The following GNB1L variants were observed in gnomAD, a reference collection of about 807,000 sequenced individuals.
The protein encoded by GNB1L is G protein subunit beta 1 like, also known as guanine nucleotide-binding protein subunit beta-like protein 1.
Under a neutral mutation model 29.1 loss-of-function variants are expected in GNB1L, and 20 were observed. That is an observed-to-expected ratio of 0.69 (90% confidence interval 0.48 to 1.00). The LOEUF is 1.00. GNB1L is among the 50% of genes least tolerant of loss of function. GNB1L has a pLI of 0.00. For synonymous variants in GNB1L, 193 were observed against 206.5 expected (o/e 0.93, Z 0.56); for missense variants, 421 against 464.9 (o/e 0.91, Z 0.87).
intron 2 of GNB1L, among the ~76,000 whole-genome samples, chr22:19,839,748 C>T (rs1937825545): frequency 6.6e-6 from 1 of 152,060 alleles, no homozygotes; most frequent in South Asian, 2.1e-4. Flanking sequence ...GGCGTGGTGG[C>T]AGGTGCCTGT....
intron 2 of GNB1L, among the ~76,000 whole-genome samples, chr22:19,833,369 T>C (rs987890976): frequency 6.6e-6 from 1 of 152,194 alleles, no homozygotes; most frequent in Non-Finnish European, 1.5e-5. Context: ...CAGAACTGAA[T>C]AATATCTGAA....
chr22:19,836,795 T>C (rs1219182762), intron 2 of GNB1L, among the ~76,000 whole-genome samples: 1 of 152,090 alleles, frequency 6.6e-6, no homozygotes. Flanking sequence ...TAAACTCTCA[T>C]GTTAACACTA....
intron 2 of GNB1L, among the ~76,000 whole-genome samples, chr22:19,822,122 C>A (rs990994959): frequency 6.6e-6 from 1 of 152,186 alleles, no homozygotes; most frequent in Admixed American, 6.5e-5. Context: ...AATTTCTAAC[C>A]GCTATCACCA....
chr22:19,805,737 G>A (rs926316226), intron 6 of GNB1L, among the ~76,000 whole-genome samples: 7 of 151,928 alleles, frequency 4.6e-5, no homozygotes, highest in African/African-American at 7.2e-5. Flanking sequence ...AGCAGAGATC[G>A]CGCCACTGCA....
Position 19,816,312 on chromosome 22 carries a change from A to G in GNB1L, c.255-3865T>C, listed in dbSNP as rs193002814. ...CCCTGATCGCCTGGTCAGGACCCAT[A>G]GTTTTCAAAGGCTCATCATCCCTAA... On this transcript the variant is annotated intron_variant, in intron 4 of 7. Transcript: ENST00000329517. The surrounding 1 kb of genome is among the most constrained non-coding windows in gnomAD (Gnocchi z 4.4). 3.9e-4 allele frequency among the ~76,000 whole-genome samples: 60 copies of G among 152,300 alleles called. No homozygotes were observed. Among genetic ancestry groups the G allele is most frequent in the African/African-American group, 1.4e-3 (58 of 41,562 alleles).
At chr22:19,813,016 A>T (rs1161216360) in intron 4 of GNB1L, among the ~76,000 whole-genome samples, 1 of 152,258 alleles carries the variant, frequency 6.6e-6, no homozygotes, top group Non-Finnish European at 1.5e-5. Context: ...TGAGGAAACC[A>T]GTGGTGGCTC....
At chr22:19,853,130 C>T (rs1000989566) in intron 2 of GNB1L, among the ~76,000 whole-genome samples, 1 of 152,132 alleles carries the variant, frequency 6.6e-6, no homozygotes, top group Non-Finnish European at 1.5e-5. Flanking sequence ...CCAAATTCAC[C>T]TCTCACAACT....
chr22:19,850,363 G>A, intron 2 of GNB1L: 1 of 986,500 alleles, frequency 1.0e-6, no homozygotes, highest in Non-Finnish European at 1.2e-6. Context: ...ACACACTAGG[G>A]CTTAAGTGCT....
chr22:19,824,522 C>T (rs1290656335), intron 2 of GNB1L, among the ~76,000 whole-genome samples: 4 of 152,246 alleles, frequency 2.6e-5, no homozygotes, highest in Non-Finnish European at 5.9e-5. Flanking sequence ...GGCAGTCTGA[C>T]ACAATTTGTG....
At chr22:19,830,877 C>T (rs936910055) in intron 2 of GNB1L, among the ~76,000 whole-genome samples, 5 of 152,128 alleles carry the variant, frequency 3.3e-5, no homozygotes, top group Admixed American at 2.6e-4. Flanking sequence ...AACCCAAGTA[C>T]GTGTGGAAGT....
rs1368206048 is a variant in GNB1L at position 19,787,636 on chromosome 22, G to C, written c.*1073C>G. ...CAAGGAGCATCGGCAGGGCCTTGCA[G>C]GGCAACTGCCTCAAGGGAGGCCACC... On this transcript the variant is annotated 3_prime_UTR_variant, in exon 8 of 8. Transcript: ENST00000329517. 1 of 152,302 alleles carries C rather than the reference G, an allele frequency of 6.6e-6. No individual in the cohort carries two copies. Among genetic ancestry groups the C allele is most frequent in the African/African-American group, 2.4e-5 (1 of 41,466 alleles). The allele number at this position is 152,302 out of a possible 1,614,324, so 9.4% of individuals were successfully genotyped here.
intron 7 of GNB1L, among the ~76,000 whole-genome samples, chr22:19,797,350 G>T (rs1297725307): frequency 1.3e-5 from 2 of 151,932 alleles, no homozygotes; most frequent in Admixed American, 6.5e-5. Flanking sequence ...CGGGAGGGGG[G>T]GTGGGGGTGC....
At chr22:19,805,749 TC>T (rs1730176622) in intron 6 of GNB1L, among the ~76,000 whole-genome samples, 2 of 151,200 alleles carry the variant, frequency 1.3e-5, no homozygotes, top group Non-Finnish European at 2.9e-5. Flanking sequence ...GCCACTGCAC[TC>T]CAGCCTGGGT....
chr22:19,826,544 C>A (rs1937621019), intron 2 of GNB1L, among the ~76,000 whole-genome samples: 1 of 152,122 alleles, frequency 6.6e-6, no homozygotes. Flanking sequence ...AGAGAGGGAA[C>A]TGCAACTACA....
chr22:19,818,576 C>T lies in GNB1L; in HGVS notation c.254+2022G>A, dbSNP rs114033671. The stretch of plus-strand genomic sequence containing the variant: ...CAGCCATCTCCCAGGTGGTAGGCAC[C>T]GCGTGAGTCTAGCACAGACATGTTT... On this transcript the variant is annotated intron_variant, in intron 4 of 7. Transcript: ENST00000329517. Among the ~76,000 whole-genome samples, 741 of 152,316 alleles carry T rather than the reference C, an allele frequency of 4.9e-3. 3 individuals carry two copies. Among genetic ancestry groups the T allele is most frequent in the African/African-American group, 0.017 (707 of 41,564 alleles).
intron 2 of GNB1L, among the ~76,000 whole-genome samples, chr22:19,822,261 G>C (rs1364474881): frequency 6.6e-6 from 1 of 152,256 alleles, no homozygotes; most frequent in African/African-American, 2.4e-5. Context: ...CTGAAGGGCA[G>C]AGTGGCTGGG....
At chr22:19,832,429 C>T (rs758326186) in intron 2 of GNB1L, among the ~76,000 whole-genome samples, 3 of 152,194 alleles carry the variant, frequency 2.0e-5, no homozygotes, top group Non-Finnish European at 4.4e-5. Context: ...GGACAGTGAC[C>T]TACACAGAGA....
At chr22:19,801,584 G>A (rs1293802665) in intron 7 of GNB1L, among the ~76,000 whole-genome samples, 1 of 151,822 alleles carries the variant, frequency 6.6e-6, no homozygotes, top group Non-Finnish European at 1.5e-5. Flanking sequence ...CTGCCCGTGA[G>A]CAATGGCCTC....
At chr22:19,795,797 C>T (rs1015345958) in intron 7 of GNB1L, among the ~76,000 whole-genome samples, 5 of 152,198 alleles carry the variant, frequency 3.3e-5, no homozygotes, top group African/African-American at 1.2e-4. Context: ...AGGACCTAGA[C>T]CCATGGCCCA....
Sources: gnomAD v4.1 joint callset for allele counts (sites outside exome capture counted in the v4.1 genomes callset) on GRCh38, gnomAD v4.1.1 for gene constraint, Gnocchi (gnomAD v3.1) non-coding constraint, MANE v1.5 for transcripts, NCBI Gene and HGNC (gene_info 2026-07-23, HGNC 2026-07-21) for gene names.